The following PHF19 variants were observed in gnomAD, a reference collection of about 807,000 sequenced individuals.
PHF19 encodes the protein PHD finger protein 19.
PHF19 carries 21 observed loss-of-function variants against 79.8 expected under a neutral mutation model. The observed-to-expected ratio is 0.26, with a 90% CI of 0.19 to 0.38. The LOEUF (loss-of-function observed/expected upper bound fraction) is 0.38, where lower values mean the gene tolerates loss of function less well. PHF19 is among the 10% of genes least tolerant of loss of function. PHF19 has a pLI of 1.00. For synonymous variants in PHF19, 273 were observed against 296.3 expected, an observed-to-expected ratio of 0.92 and a Z score of 0.81; for missense variants, 445 against 744.2, an observed-to-expected ratio of 0.60 and a Z score of 4.68.
At chr9:120,886,664 G>T (rs987363706) in intron 1 of PHF19, among the ~76,000 whole-genome samples, 1 of 152,162 alleles carries the variant, frequency 6.6e-6, no homozygotes, top group Non-Finnish European at 1.5e-5. Context: ...CCAACGGCTG[G>T]TTCATCCAGC....
chr9:120,884,180 A>G (rs1470331003), intron 1 of PHF19, among the ~76,000 whole-genome samples: 1 of 152,202 alleles, frequency 6.6e-6, no homozygotes, highest in African/African-American at 2.4e-5. Flanking sequence ...ACTACATTCA[A>G]TTAGAGATTT....
rs1310661727 is a variant in PHF19 at position 120,874,155 on chromosome 9, C to T, written c.187-95G>A. 2 of 717,886 alleles carry T rather than the reference C, an allele frequency of 2.8e-6. No individual in the cohort carries two copies. Among genetic ancestry groups the T allele is most frequent in the Non-Finnish European group, 2.5e-6 (1 of 399,106 alleles). The allele number at this position is 717,886 out of a possible 1,614,324, so 44.5% of individuals were successfully genotyped here. On this transcript the variant is annotated intron_variant, in intron 2 of 14. Coordinates refer to ENST00000373896, the MANE Select transcript of PHF19 (RefSeq NM_015651.3). The surrounding 1 kb of genome is among the most constrained non-coding windows in gnomAD (Gnocchi z 4.5). ...TCCCCCATTTTTGTCTCCGTATGTT[C>T]CAGAAAGCAGGGCTAGAAGGGGAAG...
rs939932511 is a variant in PHF19, at chr9:120,862,936, C to T, written c.969-187G>A. The T allele has an allele frequency of 1.0e-5, 6 of 590,130 alleles. No homozygotes were observed. Among genetic ancestry groups the T allele is most frequent in the South Asian group, 3.9e-5 (2 of 50,736 alleles). 36.6% of individuals were successfully genotyped at this position (590,130 alleles called of 1,614,324 possible). A position where few individuals can be genotyped will look rare whatever the true frequency, so the allele number is the denominator to read the frequency against. On this transcript the variant is annotated intron_variant, in intron 10 of 14. Transcript: ENST00000373896. The surrounding 1 kb of genome is among the most constrained non-coding windows in gnomAD (Gnocchi z 4.6). The stretch of plus-strand genomic sequence containing the variant: ...GGGTTCCAGGTAGCAGCTGAGAACA[C>T]GGCTGGTGCCTCCTCCCTGTGCTTC...
At chr9:120,873,945 G>A (rs1453183508) in intron 3 of PHF19, 34 bp downstream of exon 3, 4 of 1,109,808 alleles carry the variant, frequency 3.6e-6, no homozygotes, top group African/African-American at 1.5e-5. Flanking sequence ...ACCTGGGGAG[G>A]TTGGGGGCTA....
chr9:120,876,949 C>A (rs2046079461), intron 1 of PHF19, 142 bp downstream of exon 1: 1 of 983,806 alleles, frequency 1.0e-6, no homozygotes, highest in Non-Finnish European at 1.2e-6. Flanking sequence ...CCGGTCCCCA[C>A]CCCCGAGAGC....
chr9:120,894,788 C>T, exon 1 of PHF19: 2 of 1,229,704 alleles, frequency 1.6e-6, no homozygotes, highest in Non-Finnish European at 2.0e-6. Flanking sequence ...CCGGACCCAC[C>T]TGGGCGCTGG....
rs554790807 is a variant in PHF19 at position 120,872,018 on chromosome 9, A to G, written c.269-1480T>C. On this transcript the variant is annotated intron_variant, in intron 3 of 14. Transcript: ENST00000373896. ...AAGCCACTGCACTCCAGCCTGGGTG[A>G]CAGAGCAAGACTCTGTCTCAAAAAA... Among the ~76,000 whole-genome samples the G allele has an allele frequency of 1.8e-4, 24 of 134,534 alleles. No homozygotes were observed. The South Asian group carries it at 6.1e-3, about 34-fold the overall frequency. The allele number at this position is 134,534 out of a possible 152,430, so 88.3% of individuals were successfully genotyped here.
rs779069834 is a variant in PHF19 at position 120,866,917 on chromosome 9, G to A, written c.663C>T (p.His221=). ...LQCYRCRQWF[H]EACTQCLNEP... The stretch of plus-strand genomic sequence containing the variant: ...CATTGAGGCACTGGGTGCAGGCCTC[G>A]TGGAACCACTGCCTGCACCGGTAAC... The change falls in exon 7 of 15, where the codon CAC becomes CAT. Residue 221 remains histidine (H), a synonymous_variant. Coordinates refer to ENST00000373896, the MANE Select transcript of PHF19 (RefSeq NM_015651.3). This position sits in a 1 kb window ranked among gnomAD's most constrained non-coding sequence, Gnocchi z 5.2. 36 of 1,612,530 alleles carry A rather than the reference G, an allele frequency of 2.2e-5. No homozygotes were observed. Among genetic ancestry groups the A allele is most frequent in the African/African-American group, 1.1e-4 (8 of 74,888 alleles).
upstream of PHF19, among the ~76,000 whole-genome samples, chr9:120,898,484 T>C (rs886560742): frequency 7.2e-5 from 11 of 152,226 alleles, no homozygotes; most frequent in Non-Finnish European, 1.3e-4. Context: ...TTATCAGTAT[T>C]GTGATACTTG....
rs993460436 is a variant in PHF19 at position 120,856,282 on chromosome 9, G to C, written c.*1662C>G. 1.0e-4 allele frequency: 9 copies of C among 88,788 alleles called. No homozygotes were observed. The highest frequency in any genetic ancestry group is 1.7e-4 in the Non-Finnish European group (8 of 48,188). 5.5% of individuals were successfully genotyped at this position (88,788 alleles called of 1,614,324 possible). The stretch of plus-strand genomic sequence containing the variant: ...CACTGTGGGAGCTGAGGTCTAAGAT[G>C]GGGGGGCATCTAAACTATCTCAGGG... On this transcript the variant is annotated 3_prime_UTR_variant, in exon 15 of 15. Coordinates refer to ENST00000373896, the MANE Select transcript of PHF19 (RefSeq NM_015651.3).
chr9:120,871,727 A>C (rs1271605773), intron 3 of PHF19, among the ~76,000 whole-genome samples: 1 of 152,140 alleles, frequency 6.6e-6, no homozygotes, highest in Non-Finnish European at 1.5e-5. Flanking sequence ...GCATGCTGAA[A>C]ATTTTGTAAG....
the PHF19 span, among the ~76,000 whole-genome samples, chr9:120,901,554 T>A: frequency 6.6e-6 from 1 of 152,318 alleles, no homozygotes; most frequent in South Asian, 2.1e-4. Flanking sequence ...AGCACTTGGC[T>A]TTTCTGGCCT....
chr9:120,880,503 A>T (rs189671994), upstream of PHF19, among the ~76,000 whole-genome samples: 1 of 152,298 alleles, frequency 6.6e-6, no homozygotes, highest in Admixed American at 6.5e-5. Context: ...CAACAAACAA[A>T]CAGCAGACCA....
chr9:120,858,667 T>C (rs568422548), intron 14 of PHF19, among the ~76,000 whole-genome samples: 28 of 152,234 alleles, frequency 1.8e-4, no homozygotes, highest in African/African-American at 6.3e-4. Context: ...TCTCTGAGCC[T>C]CCTGAGGCCA....
At chr9:120,858,825 A>T (rs72758132) in intron 14 of PHF19, among the ~76,000 whole-genome samples, 82 of 120,590 alleles carry the variant, frequency 6.8e-4, no homozygotes, top group Non-Finnish European at 9.3e-4. Context: ...ACACACACAC[A>T]CACACACACA....
Position 120,864,116 on chromosome 9 carries a change from G to GCCA in PHF19, c.901-1_901insTGG (p.Lys300_Leu301insTrp). The GCCA allele has an allele frequency of 6.2e-7, 1 of 1,613,620 alleles. No homozygotes were observed. The highest frequency in any genetic ancestry group is 8.5e-7 in the Non-Finnish European group (1 of 1,179,728). ...CGATCTGTCACTGGGGTGCTGGTGA[G>GCCA]CTGTGGGAGAGCAGGCCAGCAGGAC... is the stretch of plus-strand genomic sequence containing the variant. On this transcript the variant is annotated inframe_insertion and splice_region_variant. Coordinates refer to ENST00000373896, the MANE Select transcript of PHF19 (RefSeq NM_015651.3).
chr9:120,861,327 C>A (rs2131489332), intron 12 of PHF19, among the ~76,000 whole-genome samples, 153 bp from the exon 13 acceptor site: 1 of 152,282 alleles, frequency 6.6e-6, no homozygotes, highest in South Asian at 2.1e-4. Context: ...ACCAGGGAGC[C>A]AAAGTCATCC....
intron 1 of PHF19, chr9:120,894,714 G>A (rs1241575141): frequency 1.0e-5 from 7 of 672,964 alleles, no homozygotes; most frequent in Admixed American, 4.6e-5. Flanking sequence ...GCGGCGGCGC[G>A]GGCCCACCCG....
chr9:120,874,835 A>G lies in PHF19; in HGVS notation c.-15-79T>C. 2.3e-6 allele frequency: 2 copies of G among 873,778 alleles called. No individual in the cohort carries two copies. Among genetic ancestry groups the G allele is most frequent in the South Asian group, 1.6e-5 (1 of 64,176 alleles). 54.1% of individuals were successfully genotyped at this position (873,778 alleles called of 1,614,324 possible). On this transcript the variant is annotated intron_variant, in intron 1 of 14. Transcript: ENST00000373896. The surrounding 1 kb of genome is among the most constrained non-coding windows in gnomAD (Gnocchi z 4.5). ...CATCAGGGGAAGGAAGGAAACCACC[A>G]TTTCTGTACCCTGTGCTATAAGCCA...
Sources: allele counts gnomAD v4.1 joint callset (sites outside exome capture counted in the v4.1 genomes callset), GRCh38; gene constraint gnomAD v4.1.1; non-coding constraint Gnocchi (gnomAD v3.1); transcripts MANE v1.5; gene names NCBI Gene and HGNC (gene_info 2026-07-23, HGNC 2026-07-21).